FAN1: variants seen among roughly 807,000 people sequenced by gnomAD.
FAN1 encodes FANCD2 and FANCI associated nuclease 1, also known as fanconi-associated nuclease 1.
Under a neutral mutation model 104.9 loss-of-function variants are expected in FAN1, and 91 were observed. The ratio of observed to expected loss-of-function variants is 0.87; its 90% CI spans 0.73 to 1.03. The LOEUF (loss-of-function observed/expected upper bound fraction) is 1.03, where lower values mean the gene tolerates loss of function less well. Ranked by LOEUF, FAN1 falls within the 50% of genes least tolerant of loss-of-function variation. The probability of loss-of-function intolerance (pLI) is 0.00; values close to 1 mark genes in which losing one functional copy is unlikely to be tolerated. For synonymous variants in FAN1, 478 were observed against 457.6 expected (o/e 1.04, Z -0.57); for missense variants, 1,263 against 1,239.9 (o/e 1.02, Z -0.28).
intron 10 of FAN1, chr15:30,926,426 A>T: frequency 5.4e-6 from 1 of 183,744 alleles, no homozygotes; most frequent in Non-Finnish European, 1.0e-5. Flanking sequence ...CAGGGTTACC[A>T]GTGTTAAAAA....
intron 12 of FAN1, among the ~76,000 whole-genome samples, chr15:30,929,606 TAC>T (rs1412280388): frequency 8.1e-6 from 1 of 123,680 alleles, no homozygotes; most frequent in Admixed American, 9.5e-5. Flanking sequence ...TATTACATAT[TAC>T]ATATATAATA....
At chr15:30,940,609 G>A (rs994227162) in intron 14 of FAN1, 1 of 985,304 alleles carries the variant, frequency 1.0e-6, no homozygotes, top group African/African-American at 1.7e-5. Context: ...TGGCATAGAT[G>A]GCACTCTCCT....
In FAN1 at chr15:30,905,724, G is replaced by A. The variant is rs758141872; in HGVS notation, c.1061G>A (p.Ser354Asn). The A allele has an allele frequency of 5.0e-6, 8 of 1,614,168 alleles. No individual in the cohort carries two copies. The highest frequency in any genetic ancestry group is 3.3e-5 in the South Asian group (3 of 91,086). The change falls in exon 2 of 15, where the codon AGC (serine) becomes AAC (asparagine). Residue 354 changes from serine (S) to asparagine (N), a missense_variant. Physicochemically the swap from Ser to Asn is conservative, Grantham distance 46. Transcript: ENST00000362065. Reference protein sequence around the residue: ...DSCLNNDIPHSIPLEQGSSCN... With the variant: ...DSCLNNDIPHNIPLEQGSSCN... ...TGCTTAAACAATGATATCCCTCACA[G>A]CATTCCTTTGGAGCAGGGGTCAAGC...
chr15:30,925,204 C>G lies in FAN1; in HGVS notation c.2250C>G (p.Ala750=). 1 of 1,614,010 alleles carries G rather than the reference C, an allele frequency of 6.2e-7. No individual in the cohort carries two copies. The highest frequency in any genetic ancestry group is 1.1e-5 in the South Asian group (1 of 91,062). The change falls in exon 9 of 15, where the codon GCC becomes GCG. Residue 750 remains alanine (A), a synonymous_variant. Transcript: ENST00000362065. ...ACCGCCTTTCACTGTATCAGCGAGC[C>G]GTGCGCCTGCGAGAGTCTCCGAGCT... ...TGHRLSLYQR[A]VRLRESPSCK...
Position 30,904,757 on chromosome 15 carries a change from T to C in FAN1, c.94T>C (p.Ser32Pro). ...GAAAAAAGCATCTAATTCTATTATT[T>C]CGTGTTTTAACAATGCACCACCTGC... ...NKKKASNSII[S>P]CFNNAPPAKL... The change falls in exon 2 of 15, where the codon TCG becomes CCG. Residue 32 changes from serine (S) to proline (P), a missense_variant. This residue lies in a region of FAN1 where 682 missense variants were observed against 571.1 expected (regional missense o/e 1.19). Coordinates refer to ENST00000362065, the MANE Select transcript of FAN1 (RefSeq NM_014967.5). 1 of 1,613,172 alleles carries C rather than the reference T, an allele frequency of 6.2e-7. No homozygotes were observed. The highest frequency in any genetic ancestry group is 1.3e-5 in the African/African-American group (1 of 75,036).
rs1409987309 is a variant in FAN1, at chr15:30,905,125, C to T, written c.462C>T (p.Ser154=). ...GTGTGAAAGTCATTTGTTTGGGAAG[C>T]CTAGCATCTAAATTGTCCAGAAAAT... ...NRSVKVICLG[S]LASKLSRKYV... Residue 154 remains serine, a synonymous_variant, in exon 2 of 15, where the codon AGC becomes AGT. Transcript: ENST00000362065. 5.0e-6 allele frequency: 8 copies of T among 1,613,922 alleles called. No individual in the cohort carries two copies. In the South Asian group the frequency reaches 8.8e-5, roughly 18 times the overall value.
At position 30,925,785 on chromosome 15, in the gene FAN1, T is replaced by G; in HGVS notation, c.2338-4T>G. 2 of 1,614,086 alleles carry G rather than the reference T, an allele frequency of 1.2e-6. No individual in the cohort carries two copies. The highest frequency in any genetic ancestry group is 1.7e-6 in the Non-Finnish European group (2 of 1,180,030). ...TAATAGATGTTATTCTGCTGCTGTT[T>G]CAGGTGACCATCACAGGCAGGCTGT... On this transcript the variant is annotated splice_region_variant and splice_polypyrimidine_tract_variant and intron_variant, in intron 9 of 14. Transcript: ENST00000362065.
chr15:30,930,880 CAG>C (rs1436740460), intron 13 of FAN1, among the ~76,000 whole-genome samples: 1 of 152,146 alleles, frequency 6.6e-6, no homozygotes, highest in East Asian at 1.9e-4. Context: ...GTGAGCAAGA[CAG>C]AGCTCCATCT....
intron 12 of FAN1, 23 bp from the exon 13 acceptor site, chr15:30,930,520 A>G (rs554934001): frequency 2.5e-6 from 4 of 1,570,538 alleles, no homozygotes; most frequent in South Asian, 1.2e-5. Context: ...GAAGTGGCTA[A>G]CTGTCCTGTG....
intron 2 of FAN1, chr15:30,906,315 C>G (rs2061977527): frequency 2.2e-6 from 1 of 460,986 alleles, no homozygotes; most frequent in East Asian, 6.9e-5. Context: ...AAATACAATA[C>G]AGGAAGAAAA....
At chr15:30,927,450 T>G in intron 10 of FAN1, 1 of 985,562 alleles carries the variant, frequency 1.0e-6, no homozygotes, top group South Asian at 4.7e-5. Flanking sequence ...GATGAGGGGC[T>G]AGAACTGACA....
chr15:30,937,410 T>G (rs1054434077), intron 14 of FAN1, among the ~76,000 whole-genome samples, 151 bp downstream of exon 14: 4 of 152,110 alleles, frequency 2.6e-5, no homozygotes, highest in African/African-American at 9.7e-5. Flanking sequence ...AGTGTTTGCT[T>G]GAATACACTC....
In FAN1 at chr15:30,942,036, C is replaced by T. The variant is rs756568873; in HGVS notation, c.*474C>T. ...TCACTGATGATTCCATTCTTTAAGG[C>T]AGACGGCATTCCTCTTAGTGTGGAG... On this transcript the variant is annotated 3_prime_UTR_variant, in exon 15 of 15. Transcript: ENST00000362065. The T allele has an allele frequency of 2.5e-6, 4 of 1,613,968 alleles. No individual in the cohort carries two copies. The Admixed American group carries it at 5.0e-5, about 20-fold the overall frequency.
chr15:30,909,920 C>T (rs1012405889), intron 3 of FAN1, among the ~76,000 whole-genome samples: 1 of 152,306 alleles, frequency 6.6e-6, no homozygotes, highest in African/African-American at 2.4e-5. Context: ...TTCTTTAGAG[C>T]GGTTATTACC....
intron 12 of FAN1, 78 bp from the exon 13 acceptor site, chr15:30,930,465 C>T: frequency 6.7e-7 from 1 of 1,502,378 alleles, no homozygotes; most frequent in Non-Finnish European, 8.9e-7. Flanking sequence ...GAGCTTTTCT[C>T]CGTCTCGTGA....
At position 30,941,889 on chromosome 15, in the gene FAN1, C is replaced by A. The variant is rs761977871; in HGVS notation, c.*327C>A. 2 of 1,613,980 alleles carry A rather than the reference C, an allele frequency of 1.2e-6. No homozygotes were observed. Among genetic ancestry groups the A allele is most frequent in the Admixed American group, 3.3e-5 (2 of 60,024 alleles). On this transcript the variant is annotated 3_prime_UTR_variant, in exon 15 of 15. Transcript: ENST00000362065. ...GGCAGAATAACACCGTGCAGGTTGGCGGGTTTGGAAAACCATTCTCTAAAA... is the reference window on the plus strand; with the variant it reads ...GGCAGAATAACACCGTGCAGGTTGGAGGGTTTGGAAAACCATTCTCTAAAA...
chr15:30,909,476 G>C lies in FAN1; in HGVS notation c.1376-1138G>C, dbSNP rs116048069. On this transcript the variant is annotated intron_variant, in intron 3 of 14. Coordinates refer to ENST00000362065, the MANE Select transcript of FAN1 (RefSeq NM_014967.5). Reference sequence around the variant, plus strand: ...GGAACTTGATACTCAGTCCCCACCTGACTTGGAAAATGTGGTGCAGCTTCC... The same window carrying C: ...GGAACTTGATACTCAGTCCCCACCTCACTTGGAAAATGTGGTGCAGCTTCC... Among the ~76,000 whole-genome samples, 703 of 152,340 alleles carry C rather than the reference G, an allele frequency of 4.6e-3. 4 individuals carry two copies. The highest frequency in any genetic ancestry group is 0.016 in the African/African-American group (682 of 41,574).
In FAN1 at chr15:30,904,623, CTG is replaced by C. The variant is rs2061928443; in HGVS notation, c.-37_-36del. On this transcript the variant is annotated 5_prime_UTR_variant, in exon 2 of 15. It removes the in-frame stop codon of an upstream open reading frame in the 5' UTR. Transcript: ENST00000362065. ...ATTGCTATCTTTCACCTTAAATATC[CTG>C]TGTTTTATTGCTCAGAACATCCAGT... is the stretch of plus-strand genomic sequence containing the variant. 1.3e-6 allele frequency: 2 copies of C among 1,592,594 alleles called. No homozygotes were observed. The highest frequency in any genetic ancestry group is 1.7e-6 in the Non-Finnish European group (2 of 1,163,568).
intron 14 of FAN1, chr15:30,940,159 T>C: frequency 2.0e-6 from 2 of 985,466 alleles, no homozygotes; most frequent in Non-Finnish European, 2.4e-6. Flanking sequence ...AAAGTATCCA[T>C]GTTTTAAGCG....
Sources: gnomAD v4.1 joint callset for allele counts (sites outside exome capture counted in the v4.1 genomes callset) on GRCh38, gnomAD v4.1.1 for gene constraint, gnomAD v4.1.1 regional missense constraint, MANE v1.5 for transcripts, NCBI Gene and HGNC (gene_info 2026-07-23, HGNC 2026-07-21) for gene names.